KALRN: variants seen among roughly 807,000 people sequenced by gnomAD.
KALRN encodes the protein kalirin RhoGEF kinase.
KALRN carries 70 observed loss-of-function variants against 353.7 expected under a neutral mutation model. That is an observed-to-expected ratio of 0.20 (90% CI 0.16 to 0.24). KALRN has a LOEUF of 0.24. KALRN is among the 10% of genes least tolerant of loss of function. The probability of loss-of-function intolerance (pLI) is 1.00; values close to 1 mark genes in which losing one functional copy is unlikely to be tolerated. For synonymous variants in KALRN, 1,391 were observed against 1,434.8 expected (o/e 0.97, Z 0.69); for missense variants, 2,791 against 3,756.7 (o/e 0.74, Z 6.72).
In KALRN at chr3:124,721,247, G is replaced by A. The variant is rs1242011113; in HGVS notation, c.*1777G>A. 2.0e-5 allele frequency: 3 copies of A among 151,890 alleles called. No individual in the cohort carries two copies. Among genetic ancestry groups the A allele is most frequent in the Admixed American group, 1.3e-4 (2 of 15,246 alleles). 9.4% of individuals were successfully genotyped at this position (151,890 alleles called of 1,614,324 possible). A position where few individuals can be genotyped will look rare whatever the true frequency, so the allele number is the denominator to read the frequency against. On this transcript the variant is annotated 3_prime_UTR_variant, in exon 60 of 60. Coordinates refer to ENST00000682506, the MANE Select transcript of KALRN (RefSeq NM_001388419.1). ...CCACCTCATCCCATCCAAGATTATA[G>A]ATTGATAAATTAATGGAAAGTATAA...
chr3:124,237,289 A>T (rs1197729344), intron 3 of KALRN, among the ~76,000 whole-genome samples: 1 of 152,092 alleles, frequency 6.6e-6, no homozygotes, highest in Non-Finnish European at 1.5e-5. Context: ...TGCTAAAAAG[A>T]CAGGCTCTGG....
At chr3:124,387,335 G>A (rs948114600) in intron 11 of KALRN, among the ~76,000 whole-genome samples, 3 of 152,204 alleles carry the variant, frequency 2.0e-5, no homozygotes, top group African/African-American at 4.8e-5. Context: ...GATACAGGGG[G>A]CAGGTGAAGA....
chr3:124,377,664 A>C (rs1335401941), intron 10 of KALRN, among the ~76,000 whole-genome samples: 1 of 152,062 alleles, frequency 6.6e-6, no homozygotes, highest in Non-Finnish European at 1.5e-5. Flanking sequence ...ATAATTATGG[A>C]TTTCTCTATT....
Position 124,334,629 on chromosome 3 carries a change from CT to C in KALRN, c.1647+135del. 1.6e-6 allele frequency: 1 copy of C among 636,810 alleles called. No homozygotes were observed. The highest frequency in any genetic ancestry group is 2.8e-6 in the Non-Finnish European group (1 of 359,030). 39.4% of individuals were successfully genotyped at this position (636,810 alleles called of 1,614,324 possible). On this transcript the variant is annotated intron_variant, in intron 9 of 59. Coordinates refer to ENST00000682506, the MANE Select transcript of KALRN (RefSeq NM_001388419.1). The surrounding 1 kb of genome is among the most constrained non-coding windows in gnomAD (Gnocchi z 4.2). ...CATAATGAAATTCAGCTCTCAACTG[CT>C]CCACAGAACCCTACCAAAACACAGA...
chr3:124,320,653 C>T (rs2079234658), intron 6 of KALRN, among the ~76,000 whole-genome samples: 1 of 152,142 alleles, frequency 6.6e-6, no homozygotes, highest in Non-Finnish European at 1.5e-5. Flanking sequence ...TTGAGGCACC[C>T]CAAGAAGACT....
chr3:124,616,361 T>G (rs1392951291), intron 34 of KALRN, among the ~76,000 whole-genome samples: 2 of 152,178 alleles, frequency 1.3e-5, no homozygotes, highest in Admixed American at 1.3e-4. Flanking sequence ...TGGGTATACT[T>G]GATGTGATAG....
At chr3:124,186,309 C>T (rs2074226504) in intron 1 of KALRN, among the ~76,000 whole-genome samples, 1 of 152,146 alleles carries the variant, frequency 6.6e-6, no homozygotes, top group South Asian at 2.1e-4. Context: ...CATGGATTCT[C>T]AAGCCAGGCT....
At chr3:124,458,408 C>T (rs2059546685) in intron 23 of KALRN, among the ~76,000 whole-genome samples, 1 of 151,754 alleles carries the variant, frequency 6.6e-6, no homozygotes, top group South Asian at 2.1e-4. Context: ...AAATCCAGCT[C>T]ATATCCTATG....
At chr3:124,668,043 G>GACACACACACACACACACAC (rs55672121) in intron 47 of KALRN, among the ~76,000 whole-genome samples, 2 of 138,314 alleles carry the variant, frequency 1.4e-5, no homozygotes, top group African/African-American at 5.4e-5. Flanking sequence ...TGTATATCGA[G>GACACACACACACACACACAC]ACACACACAC....
chr3:124,508,606 A>G (rs1028088907), intron 33 of KALRN, among the ~76,000 whole-genome samples: 11 of 152,216 alleles, frequency 7.2e-5, no homozygotes, highest in Non-Finnish European at 1.6e-4. Context: ...CAATGCTGCT[A>G]TGGATATTCT....
chr3:124,564,636 C>T (rs1220056678), intron 34 of KALRN, among the ~76,000 whole-genome samples: 1 of 152,172 alleles, frequency 6.6e-6, no homozygotes, highest in Non-Finnish European at 1.5e-5. Context: ...ACCATGCTTG[C>T]ACCACTGCAC....
At chr3:124,707,853 A>T (rs934386012) in intron 57 of KALRN, among the ~76,000 whole-genome samples, 3 of 152,312 alleles carry the variant, frequency 2.0e-5, no homozygotes, top group Middle Eastern at 3.4e-3. Flanking sequence ...CAAAAGAAGA[A>T]GATCTCCTAA....
chr3:124,614,658 C>A (rs2078369091), intron 34 of KALRN, among the ~76,000 whole-genome samples: 1 of 151,606 alleles, frequency 6.6e-6, no homozygotes, highest in Non-Finnish European at 1.5e-5. Flanking sequence ...GCAGCCTCAA[C>A]CTCCTGGGCT....
rs192230774 is a variant in KALRN, at chr3:124,105,982, G to T, written c.73+72169G>T. On this transcript the variant is annotated intron_variant, in intron 1 of 59. Transcript: ENST00000682506. ...CAGTATTCCAGGGACAGTGCTATTT[G>T]CTGGAATATAACATGAATAAGGCAT... Among the ~76,000 whole-genome samples the T allele has an allele frequency of 2.8e-4, 43 of 152,300 alleles. No homozygotes were observed. In the East Asian group the frequency reaches 7.7e-3, roughly 27 times the overall value.
At chr3:124,704,593 G>T (rs1236378326) in intron 57 of KALRN, among the ~76,000 whole-genome samples, 2 of 151,978 alleles carry the variant, frequency 1.3e-5, no homozygotes, top group African/African-American at 4.8e-5. Context: ...TGTTGCCCAG[G>T]CTTGAGTGCA....
At chr3:124,275,587 T>G (rs1305813762) in intron 5 of KALRN, among the ~76,000 whole-genome samples, 2 of 152,226 alleles carry the variant, frequency 1.3e-5, no homozygotes, top group Non-Finnish European at 2.9e-5. Context: ...GTGCCTGGCA[T>G]GGTGCCTGGC....
chr3:124,574,569 C>G (rs903660197), intron 34 of KALRN, among the ~76,000 whole-genome samples: 1 of 152,132 alleles, frequency 6.6e-6, no homozygotes, highest in South Asian at 2.1e-4. Context: ...AGGATTTGAT[C>G]CCAGAGAAGA....
chr3:124,307,344 G>GA (rs908447614), intron 6 of KALRN, among the ~76,000 whole-genome samples: 2 of 151,956 alleles, frequency 1.3e-5, no homozygotes, highest in African/African-American at 4.8e-5. Context: ...AGACTAATAT[G>GA]AAAAAAGCTA....
At chr3:124,345,200 A>G (rs564124952) in intron 9 of KALRN, among the ~76,000 whole-genome samples, 10 of 152,352 alleles carry the variant, frequency 6.6e-5, no homozygotes, top group African/African-American at 2.2e-4. Context: ...GCAAAAAATT[A>G]TCATCAAACC....
Sources: allele counts gnomAD v4.1 joint callset (sites outside exome capture counted in the v4.1 genomes callset), GRCh38; gene constraint gnomAD v4.1.1; non-coding constraint Gnocchi (gnomAD v3.1); transcripts MANE v1.5; gene names NCBI Gene and HGNC (gene_info 2026-07-23, HGNC 2026-07-21).